Variants in PGM5 observed in about 807,000 individuals in gnomAD.
PGM5 encodes the protein phosphoglucomutase 5, also known as phosphoglucomutase-like protein 5.
A neutral mutation model predicts 59.2 loss-of-function variants in PGM5; 23 were observed. That is an observed-to-expected ratio of 0.39 (90% CI 0.28 to 0.55). The LOEUF (loss-of-function observed/expected upper bound fraction) is 0.55, where lower values mean the gene tolerates loss of function less well. Among genes scored for constraint, PGM5 ranks in the 20% least tolerant of loss-of-function variants. The probability of loss-of-function intolerance (pLI) is 0.66; values close to 1 mark genes in which losing one functional copy is unlikely to be tolerated. For missense variants in PGM5, 574 were observed against 748.3 expected (o/e 0.77, Z 2.72); for synonymous variants, 214 against 286.0 (o/e 0.75, Z 2.54).
chr9:68,404,850 T>G (rs1822764971), intron 6 of PGM5, among the ~76,000 whole-genome samples: 1 of 152,206 alleles, frequency 6.6e-6, no homozygotes, highest in Non-Finnish European at 1.5e-5. Flanking sequence ...GAAAACTAGC[T>G]GAAATGGGGC....
At chr9:68,516,580 T>C (rs903681171) in intron 10 of PGM5, among the ~76,000 whole-genome samples, 3 of 152,126 alleles carry the variant, frequency 2.0e-5, no homozygotes, top group African/African-American at 7.2e-5. Context: ...TCACCATGGG[T>C]GGGCCTGAGA....
intron 1 of PGM5, among the ~76,000 whole-genome samples, chr9:68,363,433 A>G (rs1208154729): frequency 6.6e-6 from 1 of 152,294 alleles, no homozygotes; most frequent in African/African-American, 2.4e-5. Context: ...GCAAAGACCT[A>G]TAATTCAGCA....
At chr9:68,508,977 G>A (rs1824701754) in intron 10 of PGM5, among the ~76,000 whole-genome samples, 1 of 152,206 alleles carries the variant, frequency 6.6e-6, no homozygotes, top group Admixed American at 6.5e-5. Context: ...GTTGCCTGTG[G>A]CCTTCAGAAG....
At chr9:68,450,933 C>T (rs553796831) in intron 6 of PGM5, among the ~76,000 whole-genome samples, 7 of 152,224 alleles carry the variant, frequency 4.6e-5, no homozygotes, top group Non-Finnish European at 1.0e-4. Context: ...TTTGTAGAAC[C>T]TTATGAAAGC....
At chr9:68,509,494 A>G (rs577482588) in intron 10 of PGM5, among the ~76,000 whole-genome samples, 1 of 152,290 alleles carries the variant, frequency 6.6e-6, no homozygotes, top group Admixed American at 6.5e-5. Flanking sequence ...TGTAGACTTC[A>G]TTATTATTCA....
chr9:68,500,459 G>A (rs1414174818), intron 10 of PGM5, among the ~76,000 whole-genome samples: 1 of 151,922 alleles, frequency 6.6e-6, no homozygotes, highest in African/African-American at 2.4e-5. Flanking sequence ...GCTGGAGGAG[G>A]CTGAGAGCTA....
At chr9:68,509,438 A>G (rs1824709845) in intron 10 of PGM5, among the ~76,000 whole-genome samples, 1 of 152,228 alleles carries the variant, frequency 6.6e-6, no homozygotes, top group African/African-American at 2.4e-5. Context: ...CTATACCATC[A>G]TGATATGAGA....
chr9:68,434,502 C>T (rs889378829), intron 6 of PGM5, among the ~76,000 whole-genome samples: 1 of 151,722 alleles, frequency 6.6e-6, no homozygotes, highest in Admixed American at 6.6e-5. Flanking sequence ...AGGTGTGAAA[C>T]CTGGTGTTAA....
intron 6 of PGM5, among the ~76,000 whole-genome samples, chr9:68,420,885 T>C (rs1176339944): frequency 1.3e-5 from 2 of 152,210 alleles, no homozygotes; most frequent in East Asian, 1.9e-4. Flanking sequence ...TTATGAAAGC[T>C]AAAATAAAAA....
rs1430437766 is a variant in PGM5, at chr9:68,356,752, C to T, written c.-376C>T. The stretch of plus-strand genomic sequence containing the variant: ...ATCGCGGGTGAAGGCTGGGGCCAGG[C>T]GCGGGTGGAGGCGTCACCGGGGTCG... On this transcript the variant is annotated 5_prime_UTR_variant, in exon 1 of 11. Transcript: ENST00000396396. 3.6e-5 allele frequency: 7 copies of T among 192,514 alleles called. No homozygotes were observed. Among genetic ancestry groups the T allele is most frequent in the African/African-American group, 1.4e-4 (6 of 42,776 alleles). 11.9% of individuals were successfully genotyped at this position (192,514 alleles called of 1,614,324 possible).
chr9:68,458,447 C>A (rs984016866), intron 6 of PGM5, among the ~76,000 whole-genome samples: 1 of 152,220 alleles, frequency 6.6e-6, no homozygotes, highest in South Asian at 2.1e-4. Context: ...TACTATGAGA[C>A]ATGCAGTTAT....
intron 1 of PGM5, among the ~76,000 whole-genome samples, chr9:68,359,594 T>G (rs2131968673): frequency 6.6e-6 from 1 of 152,354 alleles, no homozygotes; most frequent in Admixed American, 6.5e-5. Context: ...GATTGAAAAT[T>G]GATGAGAATG....
At chr9:68,401,808 G>A (rs1482285060) in intron 6 of PGM5, among the ~76,000 whole-genome samples, 6 of 152,042 alleles carry the variant, frequency 3.9e-5, no homozygotes, top group Non-Finnish European at 4.4e-5. Flanking sequence ...TTACTGCAAA[G>A]AGGCATGAGG....
At chr9:68,447,127 C>T (rs1356248947) in intron 6 of PGM5, among the ~76,000 whole-genome samples, 1 of 152,144 alleles carries the variant, frequency 6.6e-6, no homozygotes, top group Non-Finnish European at 1.5e-5. Context: ...GACTCTGAAG[C>T]ATAAATCATA....
chr9:68,419,531 T>G (rs755123918), intron 6 of PGM5, among the ~76,000 whole-genome samples: 24 of 152,158 alleles, frequency 1.6e-4, no homozygotes, highest in Non-Finnish European at 2.6e-4. Context: ...ATTTTAAAAC[T>G]GAGGCAGAAG....
At chr9:68,444,597 T>C (rs1481496705) in intron 6 of PGM5, among the ~76,000 whole-genome samples, 2 of 152,190 alleles carry the variant, frequency 1.3e-5, no homozygotes, top group African/African-American at 4.8e-5. Context: ...TCACTCAAGA[T>C]TCAGCATTTT....
intron 9 of PGM5, among the ~76,000 whole-genome samples, chr9:68,487,122 T>C (rs1252446876): frequency 1.3e-5 from 2 of 152,140 alleles, no homozygotes; most frequent in Non-Finnish European, 2.9e-5. Flanking sequence ...AGGAGGCAGG[T>C]TGTTGTGGTT....
intron 9 of PGM5, 186 bp from the exon 10 acceptor site, chr9:68,499,041 C>G: frequency 1.6e-6 from 1 of 614,884 alleles, no homozygotes; most frequent in Non-Finnish European, 2.8e-6. Flanking sequence ...AATAAAGAGA[C>G]AAATGGGTAA....
chr9:68,488,874 A>G (rs1824340969), intron 9 of PGM5, among the ~76,000 whole-genome samples: 1 of 152,222 alleles, frequency 6.6e-6, no homozygotes, highest in Non-Finnish European at 1.5e-5. Context: ...AAATAAGCCT[A>G]TAGCTACAAT....
Sources: allele counts gnomAD v4.1 joint callset (sites outside exome capture counted in the v4.1 genomes callset), GRCh38; gene constraint gnomAD v4.1.1; transcripts MANE v1.5; gene names NCBI Gene and HGNC (gene_info 2026-07-23, HGNC 2026-07-21).